FAXDC2: variants seen among roughly 807,000 people sequenced by gnomAD.
FAXDC2 encodes fatty acid hydroxylase domain-containing protein 2.
A neutral mutation model predicts 40.9 loss-of-function variants in FAXDC2; 41 were observed. The ratio of observed to expected loss-of-function variants is 1.00; its 90% CI spans 0.78 to 1.30. FAXDC2 has a LOEUF of 1.30. Among genes scored for constraint, FAXDC2 ranks in the 50% most tolerant of loss-of-function variants. The probability of loss-of-function intolerance (pLI) is 0.00; values close to 1 mark genes in which losing one functional copy is unlikely to be tolerated. For synonymous variants in FAXDC2, 157 were observed against 149.3 expected, an observed-to-expected ratio of 1.05 and a Z score of -0.38; for missense variants, 390 against 408.8, an observed-to-expected ratio of 0.95 and a Z score of 0.40.
At chr5:154,834,582 T>C (rs767909007) in intron 4 of FAXDC2, 43 bp downstream of exon 4, 1 of 1,285,450 alleles carries the variant, frequency 7.8e-7, no homozygotes, top group African/African-American at 1.5e-5. Context: ...TAAGTTATAA[T>C]CATGCACCCA....
At position 154,832,444 on chromosome 5, in the gene FAXDC2, G is replaced by A. The variant is rs191780265; in HGVS notation, c.245-1522C>T. 1.5e-3 allele frequency among the ~76,000 whole-genome samples: 232 copies of A among 152,118 alleles called. 1 individual carries two copies. The highest frequency in any genetic ancestry group is 3.5e-3 in the African/African-American group (146 of 41,528). ...TCTCGATCTCCTGACCTCATGATCC[G>A]CCTGCCTCGGCCTCCCAAAGTGCTG... On this transcript the variant is annotated intron_variant, in intron 4 of 8. Transcript: ENST00000326080.
At chr5:154,826,163 G>T (rs528470265) in intron 5 of FAXDC2, among the ~76,000 whole-genome samples, 5 of 152,144 alleles carry the variant, frequency 3.3e-5, no homozygotes, top group Non-Finnish European at 7.4e-5. Flanking sequence ...GAGCCCATGG[G>T]ACATTCAGCA....
chr5:154,823,304 G>C lies in FAXDC2; in HGVS notation c.572+83C>G, dbSNP rs1203823378. 11 of 1,303,118 alleles carry C rather than the reference G, an allele frequency of 8.4e-6. No individual in the cohort carries two copies. In the African/African-American group the frequency reaches 1.6e-4, roughly 19 times the overall value. The allele number at this position is 1,303,118 out of a possible 1,614,324, so 80.7% of individuals were successfully genotyped here. Reference sequence around the variant, plus strand: ...GCCAGGATTACAAGCGTGAGTCACTGCACCTGGCCTCAGTTTCCTTGTTGA... The same window carrying C: ...GCCAGGATTACAAGCGTGAGTCACTCCACCTGGCCTCAGTTTCCTTGTTGA... On this transcript the variant is annotated intron_variant, in intron 6 of 8. Coordinates refer to ENST00000326080, the MANE Select transcript of FAXDC2 (RefSeq NM_032385.5).
intron 1 of FAXDC2, among the ~76,000 whole-genome samples, chr5:154,839,569 G>A (rs1464674317): frequency 6.6e-6 from 1 of 151,728 alleles, no homozygotes; most frequent in Non-Finnish European, 1.5e-5. Flanking sequence ...GATAACTTGA[G>A]TTTGGGAGAT....
chr5:154,830,240 A>G (rs12187921), intron 5 of FAXDC2: 17,142 of 152,434 alleles, frequency 0.11, 1,107 homozygotes, highest in African/African-American at 0.17. Flanking sequence ...TGTGCAAGTC[A>G]GAGTTCCTTG....
rs760954923 is a variant in FAXDC2 at position 154,821,294 on chromosome 5, G to T, written c.811C>A (p.Pro271Thr). The change falls in exon 8 of 9, where the codon CCT (proline) becomes ACT (threonine). Residue 271 changes from proline (P) to threonine (T), a missense_variant. Physicochemically the swap from Pro to Thr is conservative, Grantham distance 38. Coordinates refer to ENST00000326080, the MANE Select transcript of FAXDC2 (RefSeq NM_032385.5). ...SHCGYHLPFL[P>T]SPEFHDYHHL... is the part of the protein sequence containing the mutation. ...TGGTAGTCGTGGAATTCAGGCGAAG[G>T]CAGGAAGGGAAGGTGGTAGCCACAG... 4 of 1,612,108 alleles carry T rather than the reference G, an allele frequency of 2.5e-6. No individual in the cohort carries two copies. In the Admixed American group the frequency reaches 6.7e-5, roughly 27 times the overall value.
At chr5:154,831,455 G>GTTT (rs1554093805) in intron 4 of FAXDC2, among the ~76,000 whole-genome samples, 9 of 131,270 alleles carry the variant, frequency 6.9e-5, no homozygotes, top group African/African-American at 2.5e-4. Context: ...TTGTTTGTTT[G>GTTT]TTTGTTTTTT....
chr5:154,843,211 T>TA (rs2113167672), intron 1 of FAXDC2, among the ~76,000 whole-genome samples: 1 of 152,356 alleles, frequency 6.6e-6, no homozygotes, highest in South Asian at 2.1e-4. Flanking sequence ...TTTTCAAGCT[T>TA]ACAGAGCTCT....
Position 154,820,248 on chromosome 5 carries a change from G to A in FAXDC2, c.*68C>T. On this transcript the variant is annotated 3_prime_UTR_variant, in exon 9 of 9. Transcript: ENST00000326080. ...GTGGCCGAAGGAGGCAAATTGTTAGGTGCAATCAGGAAGCCGTGTCTGCAT... is the reference window on the plus strand; with the variant it reads ...GTGGCCGAAGGAGGCAAATTGTTAGATGCAATCAGGAAGCCGTGTCTGCAT... 3 of 1,341,014 alleles carry A rather than the reference G, an allele frequency of 2.2e-6. No individual in the cohort carries two copies. Among genetic ancestry groups the A allele is most frequent in the Non-Finnish European group, 3.1e-6 (3 of 973,874 alleles). 83.1% of individuals were successfully genotyped at this position (1,341,014 alleles called of 1,614,324 possible). A position where few individuals can be genotyped will look rare whatever the true frequency, so the allele number is the denominator to read the frequency against.
At position 154,823,608 on chromosome 5, in the gene FAXDC2, G is replaced by C; in HGVS notation, c.367-16C>G. 1.9e-6 allele frequency: 3 copies of C among 1,608,110 alleles called. No individual in the cohort carries two copies. Among genetic ancestry groups the C allele is most frequent in the Non-Finnish European group, 1.7e-6 (2 of 1,174,694 alleles). Reference sequence around the variant, plus strand: ...CAGGATCCACCTGCCCAAGGGAAGGGAGGAGGGAGATGGATAAGAGTGTGA... The same window carrying C: ...CAGGATCCACCTGCCCAAGGGAAGGCAGGAGGGAGATGGATAAGAGTGTGA... On this transcript the variant is annotated splice_polypyrimidine_tract_variant and intron_variant, in intron 5 of 8. Coordinates refer to ENST00000326080, the MANE Select transcript of FAXDC2 (RefSeq NM_032385.5).
At chr5:154,824,706 A>C (rs1759978582) in intron 5 of FAXDC2, 2 of 594,618 alleles carry the variant, frequency 3.4e-6, no homozygotes, top group Non-Finnish European at 6.0e-6. Flanking sequence ...CTGGGTGTTG[A>C]AAATAAAGCA....
chr5:154,822,892 C>T (rs927991925), intron 6 of FAXDC2, among the ~76,000 whole-genome samples: 81 of 152,316 alleles, frequency 5.3e-4, no homozygotes, highest in African/African-American at 1.9e-3. Flanking sequence ...ACATTCATTC[C>T]TCAGTTGTCC....
At chr5:154,848,914 C>G (rs1760670124) in intron 1 of FAXDC2, among the ~76,000 whole-genome samples, 1 of 151,948 alleles carries the variant, frequency 6.6e-6, no homozygotes, top group South Asian at 2.1e-4. Context: ...TTGCAGTGAG[C>G]CAAGATCATG....
intron 1 of FAXDC2, among the ~76,000 whole-genome samples, chr5:154,846,300 T>TGTGTG (rs1382370692): frequency 3.0e-5 from 4 of 134,070 alleles, no homozygotes; most frequent in African/African-American, 1.1e-4. Context: ...GTGTGTGTGT[T>TGTGTG]AATACCAAAG....
chr5:154,821,409 C>T lies in FAXDC2; in HGVS notation c.696G>A (p.Pro232=), dbSNP rs377392941. The T allele has an allele frequency of 2.9e-5, 46 of 1,611,422 alleles. No homozygotes were observed. The highest frequency in any genetic ancestry group is 9.0e-5 in the East Asian group (4 of 44,656). Residue 232 remains proline, a synonymous_variant, in exon 8 of 9, where the codon CCG becomes CCA. Transcript: ENST00000326080. ...PIEHAVSNML[P]VIVGPLVMGS... ...CCATTACTAATGGGCCCACTATCACCGGTAGCATGTTGGAGACCTGCAAGA... is the reference window on the plus strand; with the variant it reads ...CCATTACTAATGGGCCCACTATCACTGGTAGCATGTTGGAGACCTGCAAGA...
intron 1 of FAXDC2, among the ~76,000 whole-genome samples, chr5:154,842,503 C>T (rs1760498612): frequency 7.1e-6 from 1 of 141,018 alleles, no homozygotes; most frequent in South Asian, 2.3e-4. Flanking sequence ...TGCGCTCAGC[C>T]CTTTGTGTGT....
chr5:154,839,487 T>TA (rs58433153), intron 1 of FAXDC2, among the ~76,000 whole-genome samples: 7,487 of 142,322 alleles, frequency 0.053, 320 homozygotes, highest in African/African-American at 0.13. Context: ...CTACAAAAAA[T>TA]AAAAAAAAAA....
chr5:154,823,714 T>TAGCTCCTGACTGCCACC (rs1400950348), intron 5 of FAXDC2, 122 bp from the exon 6 acceptor site: 1 of 764,154 alleles, frequency 1.3e-6, no homozygotes, highest in Non-Finnish European at 2.2e-6. Context: ...GGACAGCCAG[T>TAGCTCCTGACTGCCACC]AGCTCCTGAC....
At chr5:154,846,141 T>C (rs1443958535) in intron 1 of FAXDC2, among the ~76,000 whole-genome samples, 1 of 151,954 alleles carries the variant, frequency 6.6e-6, no homozygotes, top group Non-Finnish European at 1.5e-5. Flanking sequence ...TCAGTGCTCA[T>C]TATACCAACT....
Sources: allele counts gnomAD v4.1 joint callset (sites outside exome capture counted in the v4.1 genomes callset), GRCh38; gene constraint gnomAD v4.1.1; transcripts MANE v1.5; gene names NCBI Gene and HGNC (gene_info 2026-07-23, HGNC 2026-07-21).